The following TRIM2 variants were observed in gnomAD, a reference collection of about 807,000 sequenced individuals.
TRIM2 encodes the protein tripartite motif containing 2.
A neutral mutation model predicts 75.2 loss-of-function variants in TRIM2; 20 were observed. The ratio of observed to expected loss-of-function variants is 0.27; its 90% CI spans 0.19 to 0.39. The LOEUF is 0.39. Ranked by LOEUF, TRIM2 falls within the 10% of genes least tolerant of loss-of-function variation. TRIM2 has a pLI of 1.00. For missense variants in TRIM2, 660 were observed against 990.8 expected, an observed-to-expected ratio of 0.67 and a Z score of 4.48; for synonymous variants, 373 against 388.3, an observed-to-expected ratio of 0.96 and a Z score of 0.46.
intron 1 of TRIM2, among the ~76,000 whole-genome samples, chr4:153,182,235 C>T (rs888350760): frequency 6.6e-6 from 1 of 152,196 alleles, no homozygotes; most frequent in African/African-American, 2.4e-5. Flanking sequence ...AAGGCTGTAG[C>T]CAGATACCAT....
chr4:153,305,210 A>G (rs890872820), intron 6 of TRIM2, among the ~76,000 whole-genome samples: 1 of 152,214 alleles, frequency 6.6e-6, no homozygotes, highest in Non-Finnish European at 1.5e-5. Flanking sequence ...CTACTTTTCT[A>G]TCTGTGCAAT....
Position 153,324,112 on chromosome 4 carries a change from G to T in TRIM2, c.1986G>T (p.Glu662Asp). ...PHFAAVNSNN[E>D]IIITDFHNHS... The stretch of plus-strand genomic sequence containing the variant: ...TTGCAGCTGTAAATAGCAATAATGA[G>T]ATTATTATTACAGATTTCCATAATC... The change falls in exon 10 of 12, where the codon GAG becomes GAT. Residue 662 changes from glutamate (E) to aspartate (D), a missense_variant. Glu to Asp is a conservative substitution (Grantham distance 45). Coordinates refer to ENST00000338700, the MANE Select transcript of TRIM2 (RefSeq NM_015271.5). 1 of 1,612,242 alleles carries T rather than the reference G, an allele frequency of 6.2e-7. No individual in the cohort carries two copies. Among genetic ancestry groups the T allele is most frequent in the East Asian group, 2.2e-5 (1 of 44,768 alleles).
At chr4:153,280,806 G>A (rs771841491) in intron 3 of TRIM2, among the ~76,000 whole-genome samples, 94 of 151,680 alleles carry the variant, frequency 6.2e-4, no homozygotes, top group Non-Finnish European at 1.8e-4. Flanking sequence ...TGCCTCAGCC[G>A]CCCGAGTAGC....
chr4:153,327,690 GATAC>G (rs1197342082), intron 10 of TRIM2, among the ~76,000 whole-genome samples: 2 of 152,064 alleles, frequency 1.3e-5, no homozygotes, highest in Non-Finnish European at 2.9e-5. Flanking sequence ...GATCTGTATT[GATAC>G]ATATTTAGTA....
rs149788842 is a variant in TRIM2, at chr4:153,269,597, G to A, written c.31-738G>A. Among the ~76,000 whole-genome samples the A allele has an allele frequency of 2.7e-3, 410 of 152,240 alleles. 3 individuals carry two copies. Among genetic ancestry groups the A allele is most frequent in the Middle Eastern group, 0.014 (4 of 294 alleles). ...GACACAGTCCAACCTCTTCAACTAC[G>A]ATAGTTGGAAAAACATATTCAATTT... On this transcript the variant is annotated intron_variant, in intron 1 of 11. Coordinates refer to ENST00000338700, the MANE Select transcript of TRIM2 (RefSeq NM_015271.5).
chr4:153,231,760 A>G (rs1037849794), intron 1 of TRIM2, among the ~76,000 whole-genome samples: 1 of 152,142 alleles, frequency 6.6e-6, no homozygotes, highest in African/African-American at 2.4e-5. Context: ...GTGTCTTCAC[A>G]TAATCGTCCC....
At position 153,275,835 on chromosome 4, in the gene TRIM2, C is replaced by T. The variant is rs947637185; in HGVS notation, c.216-58C>T. ...TAGTCACTGAGAACATGTATGGTAC[C>T]TGTGAGAAGTGGAGGTTCTGCACTG... On this transcript the variant is annotated intron_variant, in intron 2 of 11. Coordinates refer to ENST00000338700, the MANE Select transcript of TRIM2 (RefSeq NM_015271.5). 9.5e-6 allele frequency: 14 copies of T among 1,473,556 alleles called. No homozygotes were observed. In the East Asian group the frequency reaches 1.1e-4, roughly 12 times the overall value. The allele number at this position is 1,473,556 out of a possible 1,614,324, so 91.3% of individuals were successfully genotyped here. A position where few individuals can be genotyped will look rare whatever the true frequency, so the allele number is the denominator to read the frequency against.
At chr4:153,324,514 A>G (rs1409397119) in intron 10 of TRIM2, 1 of 222,546 alleles carries the variant, frequency 4.5e-6, no homozygotes, top group Non-Finnish European at 8.7e-6. Context: ...TTTGTTAAAA[A>G]AAAAATTAGA....
chr4:153,203,383 AC>A (rs1439609944), upstream of TRIM2, among the ~76,000 whole-genome samples: 3 of 143,804 alleles, frequency 2.1e-5, no homozygotes, highest in African/African-American at 8.2e-5. Context: ...ATATAGTGAG[AC>A]CCACATCTCT....
At chr4:153,289,809 T>C (rs888819453) in intron 3 of TRIM2, among the ~76,000 whole-genome samples, 8 of 152,200 alleles carry the variant, frequency 5.3e-5, no homozygotes, top group South Asian at 2.1e-4. Flanking sequence ...CCAGGCTAGA[T>C]TGGTTTGGGA....
At chr4:153,308,379 A>T (rs1243031871) in intron 6 of TRIM2, 3 of 960,794 alleles carry the variant, frequency 3.1e-6, no homozygotes, top group African/African-American at 3.2e-5. Flanking sequence ...GATGATCTCA[A>T]TGAGGGAGTC....
chr4:153,279,180 C>T (rs1190597891), intron 3 of TRIM2, among the ~76,000 whole-genome samples: 1 of 152,088 alleles, frequency 6.6e-6, no homozygotes, highest in Non-Finnish European at 1.5e-5. Flanking sequence ...CATCAATGGG[C>T]CTGGGGAAGA....
intron 1 of TRIM2, chr4:153,223,021 A>G (rs976985028): frequency 6.6e-6 from 1 of 152,280 alleles, no homozygotes; most frequent in Non-Finnish European, 1.5e-5. Flanking sequence ...GTTCCCGCGA[A>G]GCGAGTCGCC....
chr4:153,334,161 C>T (rs543891391), intron 11 of TRIM2, among the ~76,000 whole-genome samples: 14 of 151,988 alleles, frequency 9.2e-5, no homozygotes, highest in African/African-American at 3.4e-4. Flanking sequence ...CATTTTTAAG[C>T]ACCATCTAGG....
chr4:153,295,465 C>T lies in TRIM2; in HGVS notation c.939C>T (p.Asp313=), dbSNP rs1432782005. The change falls in exon 6 of 12, where the codon GAC becomes GAT. Residue 313 remains aspartate (D), a synonymous_variant. Transcript: ENST00000338700. The surrounding 1 kb of genome is among the most constrained non-coding windows in gnomAD (Gnocchi z 7.2). ...GCGAGAAGCTGAACGAGCTGGCCGACCAGGACTTCCCCTTGCACCCGCGGG... is the reference window on the plus strand; with the variant it reads ...GCGAGAAGCTGAACGAGCTGGCCGATCAGGACTTCCCCTTGCACCCGCGGG... The part of the protein sequence containing the change: ...QMSEKLNELA[D]QDFPLHPREN... The T allele has an allele frequency of 6.2e-7, 1 of 1,614,096 alleles. No homozygotes were observed. The highest frequency in any genetic ancestry group is 2.2e-5 in the East Asian group (1 of 44,898).
At chr4:153,289,250 G>A (rs1450522565) in intron 3 of TRIM2, among the ~76,000 whole-genome samples, 1 of 152,012 alleles carries the variant, frequency 6.6e-6, no homozygotes, top group African/African-American at 2.4e-5. Context: ...GTTTTTTGCT[G>A]TTGTTGTTTG....
intron 1 of TRIM2, among the ~76,000 whole-genome samples, chr4:153,182,348 G>A (rs1467479956): frequency 1.3e-5 from 2 of 152,172 alleles, no homozygotes; most frequent in East Asian, 1.9e-4. Flanking sequence ...GCCCACAAAT[G>A]GGACCTTGGG....
intron 1 of TRIM2, among the ~76,000 whole-genome samples, chr4:153,164,609 G>T (rs1214635082): frequency 6.6e-6 from 1 of 152,050 alleles, no homozygotes; most frequent in African/African-American, 2.4e-5. Context: ...CCAGCCTCCC[G>T]AATTTTCTTT....
At chr4:153,325,843 G>A (rs1770051496) in intron 10 of TRIM2, among the ~76,000 whole-genome samples, 1 of 152,198 alleles carries the variant, frequency 6.6e-6, no homozygotes, top group African/African-American at 2.4e-5. Flanking sequence ...AGAATCAACT[G>A]GCATTGGTAT....
Sources: gnomAD v4.1 joint callset for allele counts (sites outside exome capture counted in the v4.1 genomes callset) on GRCh38, gnomAD v4.1.1 for gene constraint, Gnocchi (gnomAD v3.1) non-coding constraint, MANE v1.5 for transcripts, NCBI Gene and HGNC (gene_info 2026-07-23, HGNC 2026-07-21) for gene names.